The following NKAIN2 variants were observed in gnomAD, a reference collection of about 807,000 sequenced individuals.
NKAIN2 encodes the protein sodium/potassium-transporting ATPase subunit beta-1-interacting protein 2.
NKAIN2 carries 14 observed loss-of-function variants against 32.6 expected under a neutral mutation model. That is an observed-to-expected ratio of 0.43 (90% CI 0.28 to 0.67). The LOEUF (loss-of-function observed/expected upper bound fraction) is 0.67, where lower values mean the gene tolerates loss of function less well. Among genes scored for constraint, NKAIN2 ranks in the 30% least tolerant of loss-of-function variants. The pLI is 0.17. For missense variants in NKAIN2, 198 were observed against 258.3 expected (o/e 0.77, Z 1.60); for synonymous variants, 80 against 87.2 (o/e 0.92, Z 0.46).
chr6:123,940,496 T>A (rs761760810), intron 1 of NKAIN2, among the ~76,000 whole-genome samples: 8 of 152,022 alleles, frequency 5.3e-5, no homozygotes, highest in African/African-American at 2.4e-5. Flanking sequence ...CAAACCTAGA[T>A]GGTACAGCCT....
intron 3 of NKAIN2, among the ~76,000 whole-genome samples, chr6:124,371,877 C>T (rs74840141): frequency 1.3e-3 from 203 of 152,034 alleles, no homozygotes; most frequent in Non-Finnish European, 2.5e-3. Flanking sequence ...CTCAGTGATT[C>T]CATTCTGTCG....
At chr6:124,012,452 C>A (rs1780381622) in intron 1 of NKAIN2, among the ~76,000 whole-genome samples, 1 of 151,540 alleles carries the variant, frequency 6.6e-6, no homozygotes, top group African/African-American at 2.4e-5. Flanking sequence ...TCTCCTGCCT[C>A]AGCCTCCTAA....
intron 4 of NKAIN2, among the ~76,000 whole-genome samples, chr6:124,667,966 A>G (rs995548307): frequency 1.3e-5 from 2 of 152,012 alleles, no homozygotes; most frequent in African/African-American, 4.8e-5. Context: ...CTTCTATATA[A>G]CAAGATATCT....
At chr6:124,324,404 A>G (rs1797332875) in intron 2 of NKAIN2, among the ~76,000 whole-genome samples, 1 of 151,894 alleles carries the variant, frequency 6.6e-6, no homozygotes, top group East Asian at 1.9e-4. Context: ...TTCTGTGCTT[A>G]TTGCTAGTAT....
In NKAIN2 at chr6:124,166,757, C is replaced by A. The variant is rs868630257; in HGVS notation, c.55-116248C>A. ...ATATGGCTAGCCAGTTTTCCCAGCA[C>A]CATTTATTAAATAGGGAATCCTTTC... is the stretch of plus-strand genomic sequence containing the variant. On this transcript the variant is annotated intron_variant, in intron 1 of 6. Coordinates refer to ENST00000368417, the MANE Select transcript of NKAIN2 (RefSeq NM_001040214.3). 2.7e-3 allele frequency among the ~76,000 whole-genome samples: 414 copies of A among 150,968 alleles called. 2 individuals are homozygous for A. Among genetic ancestry groups the A allele is most frequent in the African/African-American group, 9.6e-3 (396 of 41,282 alleles).
chr6:124,653,328 C>G (rs766660055), intron 3 of NKAIN2, among the ~76,000 whole-genome samples: 12 of 151,164 alleles, frequency 7.9e-5, no homozygotes, highest in Non-Finnish European at 1.8e-4. Flanking sequence ...AATAGAGAAC[C>G]TAGAAGTCCA....
At chr6:124,625,495 A>AAGTC (rs1476897441) in intron 3 of NKAIN2, among the ~76,000 whole-genome samples, 2 of 152,132 alleles carry the variant, frequency 1.3e-5, no homozygotes, top group Admixed American at 6.6e-5. Flanking sequence ...TATCTGGGGA[A>AAGTC]AGTCAGTTGC....
intron 1 of NKAIN2, among the ~76,000 whole-genome samples, chr6:123,827,135 T>C (rs1562203669): frequency 1.3e-5 from 2 of 152,310 alleles, no homozygotes; most frequent in African/African-American, 4.8e-5. Flanking sequence ...GCCATTAATC[T>C]ATCTTTTATG....
At chr6:123,859,004 C>A (rs570081676) in intron 1 of NKAIN2, among the ~76,000 whole-genome samples, 277 of 152,070 alleles carry the variant, frequency 1.8e-3, no homozygotes, top group Middle Eastern at 3.4e-3. Context: ...TATATATGTG[C>A]ATATGTATAA....
intron 1 of NKAIN2, among the ~76,000 whole-genome samples, chr6:123,805,626 G>T (rs1773182549): frequency 6.6e-6 from 1 of 152,136 alleles, no homozygotes; most frequent in African/African-American, 2.4e-5. Context: ...CTGTACCACA[G>T]ATTCATATAA....
chr6:124,676,526 A>G (rs1773362851), intron 4 of NKAIN2, among the ~76,000 whole-genome samples: 2 of 152,140 alleles, frequency 1.3e-5, no homozygotes, highest in South Asian at 4.1e-4. Flanking sequence ...ATAAATATCT[A>G]TAATTGTTAT....
chr6:123,864,682 C>T (rs1445557686), intron 1 of NKAIN2, among the ~76,000 whole-genome samples: 1 of 151,962 alleles, frequency 6.6e-6, no homozygotes, highest in East Asian at 1.9e-4. Context: ...GCAGAGGGAA[C>T]AATAAATGCA....
chr6:124,278,650 C>CAT (rs57008229), intron 1 of NKAIN2, among the ~76,000 whole-genome samples: 6,669 of 68,004 alleles, frequency 0.098, 462 homozygotes, highest in Admixed American at 0.12. Context: ...ATACATAGCT[C>CAT]ATATATATAT....
chr6:123,822,235 C>T (rs1773955312), intron 1 of NKAIN2, among the ~76,000 whole-genome samples: 1 of 152,106 alleles, frequency 6.6e-6, no homozygotes. Flanking sequence ...GTTCTGACAA[C>T]TAATTTTTTA....
At chr6:124,768,693 G>T (rs1706974547) in intron 4 of NKAIN2, among the ~76,000 whole-genome samples, 1 of 152,026 alleles carries the variant, frequency 6.6e-6, no homozygotes, top group South Asian at 2.1e-4. Flanking sequence ...CATAGGAATT[G>T]TCTAATTATT....
At chr6:124,104,630 G>A (rs573231953) in intron 1 of NKAIN2, among the ~76,000 whole-genome samples, 161 of 152,224 alleles carry the variant, frequency 1.1e-3, no homozygotes, top group South Asian at 0.01. Context: ...TTATTTTGGT[G>A]TTTTAAAAGC....
chr6:124,079,357 T>A (rs1783844261), intron 1 of NKAIN2, among the ~76,000 whole-genome samples: 1 of 152,038 alleles, frequency 6.6e-6, no homozygotes, highest in Admixed American at 6.6e-5. Context: ...AACTTCAAAT[T>A]AGTAAATTTA....
At chr6:123,806,654 G>A (rs954742935) in intron 1 of NKAIN2, among the ~76,000 whole-genome samples, 4 of 151,954 alleles carry the variant, frequency 2.6e-5, no homozygotes, top group African/African-American at 9.7e-5. Context: ...TCTAGACTAA[G>A]TTATGACTCA....
Position 124,662,036 on chromosome 6 carries a change from A to G in NKAIN2, c.474+3650A>G, listed in dbSNP as rs138391273. Among the ~76,000 whole-genome samples the G allele has an allele frequency of 3.0e-3, 462 of 152,304 alleles. 11 individuals are homozygous for G. Among genetic ancestry groups the G allele is most frequent in the Admixed American group, 0.022 (335 of 15,306 alleles). The stretch of plus-strand genomic sequence containing the variant: ...ATATTTTAGCTAATAAATAGGGACA[A>G]TGAACATGCTGTCATAGCAAGGTTG... On this transcript the variant is annotated intron_variant, in intron 4 of 6. Transcript: ENST00000368417.
Sources: gnomAD v4.1 joint callset for allele counts (sites outside exome capture counted in the v4.1 genomes callset) on GRCh38, gnomAD v4.1.1 for gene constraint, MANE v1.5 for transcripts, NCBI Gene and HGNC (gene_info 2026-07-23, HGNC 2026-07-21) for gene names.